ACVR1: variants seen among roughly 807,000 people sequenced by gnomAD.
ACVR1 encodes activin receptor type-1.
In ACVR1, 38 loss-of-function variants were observed where a neutral mutation model predicts 57.1. That is an observed-to-expected ratio of 0.67 (90% CI 0.51 to 0.87). The LOEUF is 0.87. Ranked by LOEUF, ACVR1 falls within the 40% of genes least tolerant of loss-of-function variation. The pLI is 0.00. For synonymous variants in ACVR1, 212 were observed against 228.1 expected (o/e 0.93, Z 0.63); for missense variants, 463 against 638.2 (o/e 0.73, Z 2.96).
At chr2:157,871,371 A>C (rs1558860420) in intron 1 of ACVR1, among the ~76,000 whole-genome samples, 1 of 152,248 alleles carries the variant, frequency 6.6e-6, no homozygotes, top group Non-Finnish European at 1.5e-5. Context: ...TGCAGAGACC[A>C]GAACAGCCAG....
At chr2:157,836,846 A>C (rs1244682804) in intron 1 of ACVR1, among the ~76,000 whole-genome samples, 1 of 152,184 alleles carries the variant, frequency 6.6e-6, no homozygotes, top group Non-Finnish European at 1.5e-5. Flanking sequence ...TTACCCCACA[A>C]CACCAGCATT....
chr2:157,824,916 G>A (rs1053884262), intron 1 of ACVR1, among the ~76,000 whole-genome samples: 6 of 152,138 alleles, frequency 3.9e-5, no homozygotes, highest in African/African-American at 4.8e-5. Context: ...ACCACGCCTG[G>A]CTAATTTTTG....
intron 1 of ACVR1, among the ~76,000 whole-genome samples, chr2:157,865,057 C>G (rs1428166562): frequency 6.9e-6 from 1 of 145,000 alleles, no homozygotes; most frequent in Non-Finnish European, 1.5e-5. Context: ...CTTAGCAAGG[C>G]TTCCAAAGCC....
rs183453195 is a variant in ACVR1, at chr2:157,819,925, C to A, written c.-182-1366G>T. On this transcript the variant is annotated intron_variant, in intron 1 of 10. Transcript: ENST00000434821. ...AGAACTTACTGCCTTCAGAAAACAG[C>A]GCCTTTTTTTTTAACCTCAAGGAAC... Among the ~76,000 whole-genome samples, 279 of 152,190 alleles carry A rather than the reference C, an allele frequency of 1.8e-3. 3 individuals are homozygous for A. The highest frequency in any genetic ancestry group is 7.1e-3 in the South Asian group (34 of 4,822).
intron 1 of ACVR1, among the ~76,000 whole-genome samples, chr2:157,863,423 T>TCA (rs1689804746): frequency 8.4e-6 from 1 of 119,242 alleles, no homozygotes; most frequent in South Asian, 3.2e-4. Context: ...CAGGCAGGGC[T>TCA]CAGTGGCTCA....
intron 1 of ACVR1, among the ~76,000 whole-genome samples, chr2:157,850,291 G>A (rs184504727): frequency 6.6e-6 from 1 of 152,076 alleles, no homozygotes; most frequent in East Asian, 1.9e-4. Context: ...TCGGGAGGCT[G>A]AGGCAGGAGA....
At chr2:157,795,377 AACACACACACAC>A (rs4029027) in intron 3 of ACVR1, among the ~76,000 whole-genome samples, 4,077 of 134,118 alleles carry the variant, frequency 0.03, 130 homozygotes, top group East Asian at 0.09. Flanking sequence ...CCTTCCATAG[AACACACACACAC>A]ACACACACAC....
At chr2:157,871,898 G>T (rs757219341) in intron 1 of ACVR1, among the ~76,000 whole-genome samples, 44 of 152,286 alleles carry the variant, frequency 2.9e-4, no homozygotes, top group Middle Eastern at 6.8e-3. Flanking sequence ...AGGCTGTGAT[G>T]TGCCAACCAC....
In ACVR1 at chr2:157,766,098, G is replaced by C; in HGVS notation, c.889C>G (p.Leu297Val). 1 of 1,614,116 alleles carries C rather than the reference G, an allele frequency of 6.2e-7. No individual in the cohort carries two copies. Among genetic ancestry groups the C allele is most frequent in the Non-Finnish European group, 8.5e-7 (1 of 1,180,012 alleles). The part of the protein sequence containing the change: ...EMGSLYDYLQ[L>V]TTLDTVSCLR... ...CAGCTAACTGTATCCAGAGTAGTAAGCTGAAGATAGTCGTACAACGATCCC... is the reference window on the plus strand; with the variant it reads ...CAGCTAACTGTATCCAGAGTAGTAACCTGAAGATAGTCGTACAACGATCCC... The change falls in exon 8 of 11, where the codon CTT (leucine) becomes GTT (valine). Residue 297 changes from leucine (L) to valine (V), a missense_variant. Leu to Val is a conservative substitution (Grantham distance 32). Coordinates refer to ENST00000434821, the MANE Select transcript of ACVR1 (RefSeq NM_001111067.4).
In ACVR1 at chr2:157,840,986, G is replaced by A. The variant is rs554671056; in HGVS notation, c.-182-22427C>T. Reference sequence around the variant, plus strand: ...TAAATAGCCTCCTGGCTGTGATCCCGACGGCAACCACAATTCCTGTTCCCC... The same window carrying A: ...TAAATAGCCTCCTGGCTGTGATCCCAACGGCAACCACAATTCCTGTTCCCC... On this transcript the variant is annotated intron_variant, in intron 1 of 10. Transcript: ENST00000434821. Among the ~76,000 whole-genome samples the A allele has an allele frequency of 4.3e-4, 66 of 152,350 alleles. 1 individual carries two copies. The highest frequency in any genetic ancestry group is 1.5e-3 in the African/African-American group (64 of 41,580).
chr2:157,774,074 A>G lies in ACVR1; in HGVS notation c.643+14T>C, dbSNP rs752706903. The G allele has an allele frequency of 8.7e-6, 14 of 1,611,406 alleles. No individual in the cohort carries two copies. The East Asian group carries it at 3.1e-4, about 36-fold the overall frequency. On this transcript the variant is annotated intron_variant, in intron 6 of 10. Coordinates refer to ENST00000434821, the MANE Select transcript of ACVR1 (RefSeq NM_001111067.4). Reference sequence around the variant, plus strand: ...TTGCATATTACCCACAAAGAAAGGAAAAAAAAGAATTACCGACACACTCCA... The same window carrying G: ...TTGCATATTACCCACAAAGAAAGGAGAAAAAAGAATTACCGACACACTCCA...
chr2:157,760,227 G>T (rs566757250), intron 9 of ACVR1, among the ~76,000 whole-genome samples: 1 of 152,196 alleles, frequency 6.6e-6, no homozygotes, highest in African/African-American at 2.4e-5. Flanking sequence ...TCATATGTGG[G>T]AGCTAAAAAA....
At chr2:157,785,391 C>T (rs898549733) in intron 3 of ACVR1, among the ~76,000 whole-genome samples, 10 of 152,144 alleles carry the variant, frequency 6.6e-5, no homozygotes, top group African/African-American at 1.9e-4. Flanking sequence ...TCTCCTAATC[C>T]GGGAGCACAG....
In ACVR1 at chr2:157,812,445, T is replaced by C. The variant is rs1453847899; in HGVS notation, c.-8+5940A>G. On this transcript the variant is annotated intron_variant, in intron 2 of 10. Coordinates refer to ENST00000434821, the MANE Select transcript of ACVR1 (RefSeq NM_001111067.4). Reference sequence around the variant, plus strand: ...AAAAAAAAGGCAAGGAGGCAATTACTATAGTGTATATACTACATAATATAC... The same window carrying C: ...AAAAAAAAGGCAAGGAGGCAATTACCATAGTGTATATACTACATAATATAC... Among the ~76,000 whole-genome samples, 3 of 152,190 alleles carry C rather than the reference T, an allele frequency of 2.0e-5. No homozygotes were observed. The East Asian group carries it at 5.8e-4, about 29-fold the overall frequency.
At chr2:157,833,695 GTT>G (rs796372809) in intron 1 of ACVR1, among the ~76,000 whole-genome samples, 1 of 141,824 alleles carries the variant, frequency 7.1e-6, no homozygotes. Context: ...ACCTGATTTT[GTT>G]TTTTTTTTTT....
intron 4 of ACVR1, among the ~76,000 whole-genome samples, chr2:157,779,132 C>A (rs1378787879): frequency 6.6e-6 from 1 of 151,810 alleles, no homozygotes; most frequent in Non-Finnish European, 1.5e-5. Flanking sequence ...ACTGTGGCCA[C>A]GCTAATCAGA....
At chr2:157,746,287 G>A (rs73022031) in intron 9 of ACVR1, among the ~76,000 whole-genome samples, 3 of 152,106 alleles carry the variant, frequency 2.0e-5, no homozygotes, top group Non-Finnish European at 4.4e-5. Context: ...TTACATATAC[G>A]ATCTCATTTA....
intron 1 of ACVR1, among the ~76,000 whole-genome samples, chr2:157,831,964 A>G (rs1688593552): frequency 6.6e-6 from 1 of 152,184 alleles, no homozygotes; most frequent in Admixed American, 6.5e-5. Flanking sequence ...GTTATTTTAA[A>G]AATCAGTTTG....
intron 8 of ACVR1, among the ~76,000 whole-genome samples, chr2:157,763,440 G>A (rs1338147251): frequency 6.6e-6 from 1 of 152,066 alleles, no homozygotes; most frequent in Non-Finnish European, 1.5e-5. Flanking sequence ...AAAAACAGAC[G>A]AGGCACAGTG....
Sources: gnomAD v4.1 joint callset for allele counts (sites outside exome capture counted in the v4.1 genomes callset) on GRCh38, gnomAD v4.1.1 for gene constraint, MANE v1.5 for transcripts, NCBI Gene and HGNC (gene_info 2026-07-23, HGNC 2026-07-21) for gene names.